CAGE1: variants seen among roughly 807,000 people sequenced by gnomAD.
CAGE1 encodes cancer antigen 1.
Under a neutral mutation model 94.9 loss-of-function variants are expected in CAGE1, and 66 were observed. The observed-to-expected ratio is 0.70, with a 90% confidence interval of 0.57 to 0.85. CAGE1 has a LOEUF of 0.85. Among genes scored for constraint, CAGE1 ranks in the 40% least tolerant of loss-of-function variants. The probability of loss-of-function intolerance (pLI) is 0.00; values close to 1 mark genes in which losing one functional copy is unlikely to be tolerated. For synonymous variants in CAGE1, 319 were observed against 321.0 expected (o/e 0.99, Z 0.07); for missense variants, 865 against 950.4 (o/e 0.91, Z 1.18).
At chr6:7,334,650 C>T (rs1758886260) in intron 11 of CAGE1, among the ~76,000 whole-genome samples, 3 of 142,132 alleles carry the variant, frequency 2.1e-5, no homozygotes, top group East Asian at 2.0e-4. Flanking sequence ...ATTGCTTGAG[C>T]CGAGGAGGTG....
intron 3 of CAGE1, among the ~76,000 whole-genome samples, chr6:7,382,284 C>T (rs1760962569): frequency 6.6e-6 from 1 of 151,898 alleles, no homozygotes; most frequent in Non-Finnish European, 1.5e-5. Context: ...GTAGTCAATG[C>T]ATCGATTATG....
At chr6:7,345,477 A>AT (rs1759444226) in intron 11 of CAGE1, among the ~76,000 whole-genome samples, 1 of 152,228 alleles carries the variant, frequency 6.6e-6, no homozygotes, top group African/African-American at 2.4e-5. Context: ...GTCCAGACAC[A>AT]AAATGGCATA....
At chr6:7,338,221 G>A (rs910576179) in intron 11 of CAGE1, among the ~76,000 whole-genome samples, 12 of 152,088 alleles carry the variant, frequency 7.9e-5, no homozygotes, top group African/African-American at 1.9e-4. Flanking sequence ...GTGAACACAT[G>A]CATTTTTGCT....
At chr6:7,329,737 C>T (rs1561844414) in intron 13 of CAGE1, 112 bp downstream of exon 13, 1 of 586,334 alleles carries the variant, frequency 1.7e-6, no homozygotes, top group Non-Finnish European at 3.1e-6. Flanking sequence ...GAGGGGAAGG[C>T]TAGGTTGCAC....
At chr6:7,342,708 T>C (rs1315499346) in intron 11 of CAGE1, among the ~76,000 whole-genome samples, 2 of 152,252 alleles carry the variant, frequency 1.3e-5, no homozygotes, top group African/African-American at 2.4e-5. Flanking sequence ...TTCTTGGTCA[T>C]GAAGTCTTTG....
intron 2 of CAGE1, 29 bp downstream of exon 2, chr6:7,386,950 G>A: frequency 1.4e-6 from 2 of 1,410,884 alleles, no homozygotes; most frequent in Non-Finnish European, 2.0e-6. Flanking sequence ...ATACATCTGA[G>A]CCTCCTGGAA....
Position 7,374,056 on chromosome 6 carries a change from T to C in CAGE1, c.763A>G (p.Thr255Ala). 6 of 1,614,030 alleles carry C rather than the reference T, an allele frequency of 3.7e-6. No homozygotes were observed. Among genetic ancestry groups the C allele is most frequent in the Non-Finnish European group, 5.1e-6 (6 of 1,179,886 alleles). The change falls in exon 5 of 14, where the codon ACA becomes GCA. Residue 255 changes from threonine to alanine, a missense_variant. Thr to Ala is a moderately conservative substitution (Grantham distance 58, BLOSUM62 0). Coordinates refer to ENST00000502583, the MANE Select transcript of CAGE1 (RefSeq NM_001170692.2). ...EMSVSYEKEV[T>A]AEGVERPEIV... is the part of the protein sequence containing the mutation. The stretch of plus-strand genomic sequence containing the variant: ...TCTGGCCTCTCCACACCCTCTGCTG[T>C]GACTTCCTTTTCATAACTGACTGAC...
intron 9 of CAGE1, among the ~76,000 whole-genome samples, chr6:7,360,070 G>C (rs1760116689): frequency 1.3e-5 from 2 of 152,164 alleles, no homozygotes; most frequent in Admixed American, 1.3e-4. Flanking sequence ...TTCAGAGCCA[G>C]CAAGTGTCGT....
At chr6:7,334,956 G>A (rs1293675625) in intron 11 of CAGE1, among the ~76,000 whole-genome samples, 1 of 152,128 alleles carries the variant, frequency 6.6e-6, no homozygotes, top group African/African-American at 2.4e-5. Context: ...AAGTCCAAAA[G>A]AAGCTTCACC....
chr6:7,352,459 A>T (rs930120738), intron 11 of CAGE1, among the ~76,000 whole-genome samples: 1 of 152,182 alleles, frequency 6.6e-6, no homozygotes, highest in Non-Finnish European at 1.5e-5. Flanking sequence ...TGTGAAAATG[A>T]CCATACTGCC....
At position 7,384,934 on chromosome 6, in the gene CAGE1, G is replaced by A. The variant is rs1561869227; in HGVS notation, c.283+851C>T. On this transcript the variant is annotated intron_variant, in intron 3 of 13. Coordinates refer to ENST00000502583, the MANE Select transcript of CAGE1 (RefSeq NM_001170692.2). Reference sequence around the variant, plus strand: ...TCTGATTTCAAACTAGTGGACTCAAGCAATCCTTCTGCCTTGGCCTCCCAA... The same window carrying A: ...TCTGATTTCAAACTAGTGGACTCAAACAATCCTTCTGCCTTGGCCTCCCAA... Among the ~76,000 whole-genome samples, 3 of 152,276 alleles carry A rather than the reference G, an allele frequency of 2.0e-5. No homozygotes were observed. In the East Asian group the frequency reaches 5.8e-4, roughly 29 times the overall value.
intron 3 of CAGE1, among the ~76,000 whole-genome samples, chr6:7,382,384 C>T (rs1383906828): frequency 6.6e-6 from 1 of 151,934 alleles, no homozygotes; most frequent in African/African-American, 2.4e-5. Context: ...TCACTGCAAC[C>T]TTCGCCTCCC....
chr6:7,355,989 C>T (rs1239027809), intron 10 of CAGE1, 36 bp downstream of exon 10: 1 of 1,218,250 alleles, frequency 8.2e-7, no homozygotes, highest in Non-Finnish European at 1.2e-6. Flanking sequence ...AGAGTGAGAT[C>T]TTGTCTCAAA....
chr6:7,355,983 T>G, intron 10 of CAGE1, 42 bp downstream of exon 10: 6 of 1,140,036 alleles, frequency 5.3e-6, no homozygotes, highest in South Asian at 1.3e-5. Context: ...GGTGACAGAG[T>G]GAGATCTTGT....
chr6:7,358,123 C>T lies in CAGE1; in HGVS notation c.2194-1994G>A, dbSNP rs187768524. Among the ~76,000 whole-genome samples, 373 of 143,096 alleles carry T rather than the reference C, an allele frequency of 2.6e-3. 2 individuals are homozygous for T. The highest frequency in any genetic ancestry group is 8.8e-3 in the African/African-American group (344 of 39,030). 93.9% of individuals were successfully genotyped at this position (143,096 alleles called of 152,430 possible). On this transcript the variant is annotated intron_variant, in intron 9 of 13. Transcript: ENST00000502583. ...GATAATGAGTCTGCCCGTCAACCTCCACAACCAAAGTTTCTTCTTGCCACT... is the reference window on the plus strand; with the variant it reads ...GATAATGAGTCTGCCCGTCAACCTCTACAACCAAAGTTTCTTCTTGCCACT...
At chr6:7,367,462 A>G (rs1364035029) in intron 7 of CAGE1, among the ~76,000 whole-genome samples, 1 of 151,836 alleles carries the variant, frequency 6.6e-6, no homozygotes, top group Non-Finnish European at 1.5e-5. Context: ...TTTTGTAGAG[A>G]CGGAGTTTCC....
At chr6:7,380,734 A>G (rs1010099237) in intron 3 of CAGE1, among the ~76,000 whole-genome samples, 1 of 152,060 alleles carries the variant, frequency 6.6e-6, no homozygotes, top group Non-Finnish European at 1.5e-5. Flanking sequence ...GAAAGATTAC[A>G]CTTTATTCCT....
chr6:7,342,034 T>C, intron 11 of CAGE1: 1 of 861,308 alleles, frequency 1.2e-6, no homozygotes, highest in South Asian at 1.3e-5. Flanking sequence ...ATGATATTTG[T>C]CTTTTTGGTA....
At chr6:7,343,198 A>AAAAAAAAAAAAAAGAAAAGAAAAG (rs574460085) in intron 11 of CAGE1, among the ~76,000 whole-genome samples, 5 of 137,356 alleles carry the variant, frequency 3.6e-5, no homozygotes, top group Non-Finnish European at 6.1e-5. Flanking sequence ...CACAAAAAAA[A>AAAAAAAAAAAAAAGAAAAGAAAAG]AAAAGAAAAG....
Sources: gnomAD v4.1 joint callset for allele counts (sites outside exome capture counted in the v4.1 genomes callset) on GRCh38, gnomAD v4.1.1 for gene constraint, MANE v1.5 for transcripts, NCBI Gene and HGNC (gene_info 2026-07-23, HGNC 2026-07-21) for gene names.